MCF2L: variants seen among roughly 807,000 people sequenced by gnomAD.
MCF2L encodes MCF.2 cell line derived transforming sequence like.
In MCF2L, 97 loss-of-function variants were observed where a neutral mutation model predicts 153.4. That is an observed-to-expected ratio of 0.63 (90% CI 0.54 to 0.75). The LOEUF is 0.75. MCF2L is among the 30% of genes least tolerant of loss of function. The probability of loss-of-function intolerance (pLI) is 0.00; values close to 1 mark genes in which losing one functional copy is unlikely to be tolerated. For missense variants in MCF2L, 1,347 were observed against 1,495.2 expected (o/e 0.90, Z 1.64); for synonymous variants, 659 against 632.2 (o/e 1.04, Z -0.64).
intron 2 of MCF2L, chr13:112,910,649 T>C (rs1375367857): frequency 6.6e-6 from 1 of 152,260 alleles, no homozygotes; most frequent in African/African-American, 2.4e-5. Context: ...TTTTTGTTTT[T>C]CTGCATGAGG....
chr13:112,912,858 CTGTA>C (rs1271516780), intron 2 of MCF2L, among the ~76,000 whole-genome samples: 1 of 144,780 alleles, frequency 6.9e-6, no homozygotes, highest in African/African-American at 2.6e-5. Context: ...GTATCTGTGT[CTGTA>C]TGGGGTGTGT....
At chr13:113,091,073 T>G in intron 26 of MCF2L, 4 of 1,297,944 alleles carry the variant, frequency 3.1e-6, no homozygotes, top group Non-Finnish European at 4.1e-6. Flanking sequence ...CCCTCCGTCC[T>G]TCACACTCTC....
chr13:112,916,275 G>A (rs906100393), intron 2 of MCF2L, among the ~76,000 whole-genome samples: 6 of 150,946 alleles, frequency 4.0e-5, no homozygotes, highest in African/African-American at 1.5e-4. Flanking sequence ...GATTAGGTTA[G>A]CGGATAGTTT....
intron 2 of MCF2L, among the ~76,000 whole-genome samples, chr13:112,903,897 A>G (rs891134005): frequency 2.0e-5 from 3 of 152,180 alleles, no homozygotes; most frequent in Non-Finnish European, 2.9e-5. Flanking sequence ...TGCTGCACAC[A>G]GCTTAGCTGT....
rs1012895274 is a variant in MCF2L at position 113,007,471 on chromosome 13, C to T, written c.80-7292C>T. ...AATCACTTGAGTGGGCCGTGGCCAC[C>T]GTGAGGCGGAGAAAGAGGAAATACC... On this transcript the variant is annotated intron_variant, in intron 1 of 29. Coordinates refer to ENST00000535094, the MANE Select transcript of MCF2L (RefSeq NM_001112732.3). Among the ~76,000 whole-genome samples the T allele has an allele frequency of 5.9e-5, 9 of 152,294 alleles. 1 individual carries two copies. In the South Asian group the frequency reaches 1.7e-3, roughly 28 times the overall value.
intron 18 of MCF2L, 54 bp from the exon 19 acceptor site, chr13:113,084,838 G>A (rs1370490284): frequency 1.4e-5 from 19 of 1,372,290 alleles, no homozygotes; most frequent in South Asian, 1.2e-4. Context: ...CCCTCACCGC[G>A]TGATGCGCTG....
At chr13:112,987,008 C>T (rs1206225125) in intron 1 of MCF2L, among the ~76,000 whole-genome samples, 3 of 151,972 alleles carry the variant, frequency 2.0e-5, no homozygotes, top group South Asian at 2.1e-4. Context: ...GAGCCAGTGT[C>T]GGAGCTGGAG....
intron 2 of MCF2L, among the ~76,000 whole-genome samples, chr13:113,022,657 A>C (rs1375650699): frequency 6.6e-6 from 1 of 151,908 alleles, no homozygotes; most frequent in Non-Finnish European, 1.5e-5. Flanking sequence ...CCGGCAGAAC[A>C]CTCTTACCTT....
chr13:113,088,132 A>G (rs1355896844), intron 23 of MCF2L, among the ~76,000 whole-genome samples, 195 bp from the exon 24 acceptor site: 2 of 152,204 alleles, frequency 1.3e-5, no homozygotes, highest in Non-Finnish European at 2.9e-5. Context: ...ACAGTTCTTC[A>G]GTCAGTCCCG....
intron 1 of MCF2L, among the ~76,000 whole-genome samples, chr13:112,896,856 C>G (rs757630414): frequency 2.6e-5 from 4 of 152,368 alleles, no homozygotes; most frequent in Non-Finnish European, 5.9e-5. Flanking sequence ...AGCTTCCCGC[C>G]TCACAGATGG....
chr13:113,015,870 T>C (rs1019228337), intron 2 of MCF2L, among the ~76,000 whole-genome samples: 1 of 152,168 alleles, frequency 6.6e-6, no homozygotes, highest in Non-Finnish European at 1.5e-5. Flanking sequence ...CCAATCCCCC[T>C]GTGTCGGGGA....
At chr13:113,033,434 T>G in intron 3 of MCF2L, among the ~76,000 whole-genome samples, 1 of 146,088 alleles carries the variant, frequency 6.8e-6, no homozygotes, top group African/African-American at 2.5e-5. Flanking sequence ...CCCCATGATG[T>G]GAGTGGCCCC....
chr13:112,914,726 T>C (rs2081272728), intron 2 of MCF2L, among the ~76,000 whole-genome samples: 1 of 152,044 alleles, frequency 6.6e-6, no homozygotes, highest in African/African-American at 2.4e-5. Flanking sequence ...CTGCTTCTCA[T>C]TTATGTTTTT....
chr13:113,090,076 G>A (rs767899975), intron 26 of MCF2L: 40 of 1,555,548 alleles, frequency 2.6e-5, no homozygotes, highest in Admixed American at 1.2e-4. Context: ...AGATGACACG[G>A]TCACTAGCTC....
At chr13:113,086,351 T>C (rs568645132) in intron 21 of MCF2L, 102 bp downstream of exon 21, 2 of 1,524,214 alleles carry the variant, frequency 1.3e-6, no homozygotes, top group Admixed American at 2.0e-5. Flanking sequence ...TTGGTGTGAA[T>C]GTGCAGGTTC....
chr13:112,919,236 T>C (rs4907564), intron 2 of MCF2L, among the ~76,000 whole-genome samples: 31,240 of 141,860 alleles, frequency 0.22, 3,634 homozygotes, highest in South Asian at 0.27. Context: ...GACGGAGTCT[T>C]GCTCTGTCGC....
rs368922205 is a variant in MCF2L, at chr13:113,097,024, G to A, written c.*165G>A. On this transcript the variant is annotated 3_prime_UTR_variant, in exon 30 of 30. Transcript: ENST00000535094. ...CTCCGGGGCAGAGGCAGGTTCCACG[G>A]AAGACCCCGGCCCGCTGGGGCTTCC... 9.3e-5 allele frequency: 40 copies of A among 430,666 alleles called. No homozygotes were observed. The highest frequency in any genetic ancestry group is 4.6e-4 in the East Asian group (11 of 23,984). The allele number at this position is 430,666 out of a possible 1,614,324, so 26.7% of individuals were successfully genotyped here. A position where few individuals can be genotyped will look rare whatever the true frequency, so the allele number is the denominator to read the frequency against.
At position 113,065,082 on chromosome 13, in the gene MCF2L, G is replaced by A. The variant is rs377408964; in HGVS notation, c.753G>A (p.Ala251=). 171 of 1,607,254 alleles carry A rather than the reference G, an allele frequency of 1.1e-4. No individual in the cohort carries two copies. The highest frequency in any genetic ancestry group is 1.3e-4 in the Non-Finnish European group (153 of 1,178,118). ...LCAHTEKKDK[A]KEDLRLALKE... is the part of the protein sequence containing the mutation. ...CGCACACAGAGAAGAAGGACAAGGC[G>A]AAGGTACATGGGGGGTGCTCCGGCT... The change falls in exon 7 of 30, where the codon GCG becomes GCA. Residue 251 remains alanine (A), a synonymous_variant. Coordinates refer to ENST00000535094, the MANE Select transcript of MCF2L (RefSeq NM_001112732.3).
intron 1 of MCF2L, among the ~76,000 whole-genome samples, chr13:112,980,312 G>T (rs898202530): frequency 6.6e-6 from 1 of 152,342 alleles, no homozygotes; most frequent in East Asian, 1.9e-4. Context: ...GCTGGCTTGA[G>T]GGGGAGAAAG....
Sources: gnomAD v4.1 joint callset for allele counts (sites outside exome capture counted in the v4.1 genomes callset) on GRCh38, gnomAD v4.1.1 for gene constraint, MANE v1.5 for transcripts, NCBI Gene and HGNC (gene_info 2026-07-23, HGNC 2026-07-21) for gene names.